RUFY2: variants seen among roughly 807,000 people sequenced by gnomAD.
RUFY2 encodes the protein RUN and FYVE domain-containing protein 2.
Under a neutral mutation model 94.4 loss-of-function variants are expected in RUFY2, and 49 were observed. The observed-to-expected ratio is 0.52, with a 90% CI of 0.41 to 0.66. RUFY2 has a LOEUF of 0.66. Among genes scored for constraint, RUFY2 ranks in the 30% least tolerant of loss-of-function variants. The pLI is 0.00. For missense variants in RUFY2, 541 were observed against 692.8 expected (o/e 0.78, Z 2.46); for synonymous variants, 255 against 235.7 (o/e 1.08, Z -0.75).
At chr10:68,351,992 G>C (rs1267172673) in intron 16 of RUFY2, among the ~76,000 whole-genome samples, 1 of 151,384 alleles carries the variant, frequency 6.6e-6, no homozygotes, top group Non-Finnish European at 1.5e-5. Context: ...AGGAGAGGGA[G>C]GTTGCAGTGA....
At chr10:68,359,047 G>A (rs2047248562) in intron 15 of RUFY2, among the ~76,000 whole-genome samples, 1 of 152,044 alleles carries the variant, frequency 6.6e-6, no homozygotes, top group African/African-American at 2.4e-5. Context: ...CCTAAAGAAA[G>A]GAGCATCGGT....
At chr10:68,389,123 A>G (rs990260159) in intron 7 of RUFY2, among the ~76,000 whole-genome samples, 5 of 151,864 alleles carry the variant, frequency 3.3e-5, no homozygotes, top group African/African-American at 1.2e-4. Flanking sequence ...CTGGTCTCAG[A>G]CTGCTGAGCT....
chr10:68,406,693 T>C (rs1173344998), intron 1 of RUFY2: 18 of 1,411,920 alleles, frequency 1.3e-5, no homozygotes, highest in East Asian at 2.6e-5. Context: ...TCCTGCCCCC[T>C]CCCCCCAGCA....
rs1305175058 is a variant in RUFY2, at chr10:68,344,472, A to G, written c.*1296T>C. On this transcript the variant is annotated 3_prime_UTR_variant, in exon 18 of 18. Transcript: ENST00000602465. Reference sequence around the variant, plus strand: ...GTAACTATTCAGAGGTAATTTATACAAGTTAAATTCTTAGTATGCCATAAG... The same window carrying G: ...GTAACTATTCAGAGGTAATTTATACGAGTTAAATTCTTAGTATGCCATAAG... 1 of 152,210 alleles carries G rather than the reference A, an allele frequency of 6.6e-6. No individual in the cohort carries two copies. Among genetic ancestry groups the G allele is most frequent in the East Asian group, 1.9e-4 (1 of 5,200 alleles). 9.4% of individuals were successfully genotyped at this position (152,210 alleles called of 1,614,324 possible). A position where few individuals can be genotyped will look rare whatever the true frequency, so the allele number is the denominator to read the frequency against.
chr10:68,397,713 G>C (rs950975316), intron 3 of RUFY2, among the ~76,000 whole-genome samples: 5 of 151,920 alleles, frequency 3.3e-5, no homozygotes, highest in Non-Finnish European at 5.9e-5. Flanking sequence ...AGTAGGCAGA[G>C]GCTGCAGTGA....
intron 16 of RUFY2, among the ~76,000 whole-genome samples, chr10:68,349,493 C>T (rs777873405): frequency 1.3e-5 from 2 of 151,788 alleles, no homozygotes; most frequent in Non-Finnish European, 1.5e-5. Flanking sequence ...TACACCCTGG[C>T]CTGGACAACA....
At chr10:68,400,444 A>G (rs1356951551) in intron 3 of RUFY2, among the ~76,000 whole-genome samples, 1 of 152,098 alleles carries the variant, frequency 6.6e-6, no homozygotes, top group Non-Finnish European at 1.5e-5. Context: ...TGGGAGGCCA[A>G]GGCGGGCGGA....
Position 68,344,212 on chromosome 10 carries a change from A to G in RUFY2, c.*1556T>C, listed in dbSNP as rs1439027942. On this transcript the variant is annotated 3_prime_UTR_variant, in exon 18 of 18. Transcript: ENST00000602465. ...GATCTTCAAGTAAAATATTCATTTC[A>G]TACTTAGGCTATTCAGAAAAATTTA... The G allele has an allele frequency of 1.3e-5, 2 of 152,190 alleles. No homozygotes were observed. Among genetic ancestry groups the G allele is most frequent in the Non-Finnish European group, 2.9e-5 (2 of 68,030 alleles). The allele number at this position is 152,190 out of a possible 1,614,324, so 9.4% of individuals were successfully genotyped here.
At chr10:68,348,142 T>G (rs2046409913) in intron 16 of RUFY2, among the ~76,000 whole-genome samples, 2 of 151,568 alleles carry the variant, frequency 1.3e-5, no homozygotes, top group Non-Finnish European at 2.9e-5. Flanking sequence ...ATAGTTCATA[T>G]CAGACAAACA....
At chr10:68,375,605 T>C (rs886705545) in intron 13 of RUFY2, among the ~76,000 whole-genome samples, 12 of 151,944 alleles carry the variant, frequency 7.9e-5, no homozygotes, top group Admixed American at 7.9e-4. Context: ...AAACCCCATC[T>C]CTACTAAAAA....
chr10:68,341,733 A>AT (rs770066057), downstream of RUFY2: 11 of 1,584,720 alleles, frequency 6.9e-6, no homozygotes, highest in Middle Eastern at 3.4e-4. Context: ...ATGAGTCTCA[A>AT]TTTTTTTTCT....
chr10:68,379,765 C>T (rs1020055955), intron 11 of RUFY2, among the ~76,000 whole-genome samples: 4 of 151,418 alleles, frequency 2.6e-5, no homozygotes, highest in African/African-American at 4.9e-5. Context: ...AACAGAGTTA[C>T]TTTATACATT....
At chr10:68,377,310 T>C in intron 12 of RUFY2, 3 of 1,104,436 alleles carry the variant, frequency 2.7e-6, no homozygotes, top group Non-Finnish European at 3.3e-6. Context: ...GGTATGTTAC[T>C]ACCTTTTTAC....
chr10:68,388,871 G>T (rs897662104), intron 7 of RUFY2, among the ~76,000 whole-genome samples: 18 of 148,710 alleles, frequency 1.2e-4, no homozygotes, highest in Admixed American at 1.3e-4. Context: ...AAAAGAAAAA[G>T]AAAAAGCAAT....
At chr10:68,372,657 C>T (rs978555521) in intron 13 of RUFY2, among the ~76,000 whole-genome samples, 6 of 149,610 alleles carry the variant, frequency 4.0e-5, no homozygotes, top group African/African-American at 7.4e-5. Context: ...TGGGAGGCCA[C>T]GGTGGCCAGA....
Position 68,398,697 on chromosome 10 carries a change from C to CT in RUFY2, c.297-1817dup, listed in dbSNP as rs879829483. On this transcript the variant is annotated intron_variant, in intron 3 of 17. Coordinates refer to ENST00000602465, the MANE Select transcript of RUFY2 (RefSeq NM_001330103.2). ...TTTTTAAAAAGCAACTTTTATACCA[C>CT]TTTTTTTTTTTAAAGAGAGTGGTAT... 9.0e-3 allele frequency among the ~76,000 whole-genome samples: 1,314 copies of CT among 146,664 alleles called. 24 individuals are homozygous for CT. The highest frequency in any genetic ancestry group is 0.029 in the African/African-American group (1,153 of 40,352).
intron 13 of RUFY2, among the ~76,000 whole-genome samples, chr10:68,374,512 A>G (rs2048492098): frequency 6.6e-6 from 1 of 152,210 alleles, no homozygotes; most frequent in Non-Finnish European, 1.5e-5. Context: ...ACAGAGCTTT[A>G]GAATACAATA....
chr10:68,374,997 C>T (rs1296608850), intron 13 of RUFY2, among the ~76,000 whole-genome samples: 1 of 151,904 alleles, frequency 6.6e-6, no homozygotes, highest in African/African-American at 2.4e-5. Flanking sequence ...AAAATTGAAT[C>T]ATATTTGGCA....
At chr10:68,397,651 T>C (rs971007044) in intron 3 of RUFY2, among the ~76,000 whole-genome samples, 1 of 151,912 alleles carries the variant, frequency 6.6e-6, no homozygotes, top group Non-Finnish European at 1.5e-5. Context: ...TGGTGGCATG[T>C]GCCTGTATTC....
Sources: gnomAD v4.1 joint callset for allele counts (sites outside exome capture counted in the v4.1 genomes callset) on GRCh38, gnomAD v4.1.1 for gene constraint, MANE v1.5 for transcripts, NCBI Gene and HGNC (gene_info 2026-07-23, HGNC 2026-07-21) for gene names.